Variants in CYRIB observed in about 807,000 individuals in gnomAD.
CYRIB encodes CYFIP related Rac1 interactor B.
In CYRIB, 8 loss-of-function variants were observed where a neutral mutation model predicts 44.2. The ratio of observed to expected loss-of-function variants is 0.18; its 90% CI spans 0.11 to 0.33. The LOEUF (loss-of-function observed/expected upper bound fraction) is 0.33. CYRIB is among the 10% of genes least tolerant of loss of function. The pLI is 1.00. For missense variants in CYRIB, 185 were observed against 382.8 expected, an observed-to-expected ratio of 0.48 and a Z score of 4.31; for synonymous variants, 131 against 127.2, an observed-to-expected ratio of 1.03 and a Z score of -0.20.
upstream of CYRIB, chr8:130,016,667 C>T (rs1395245698): frequency 6.7e-6 from 1 of 149,010 alleles, no homozygotes; most frequent in African/African-American, 2.4e-5. Context: ...CGCGACGCGC[C>T]TCCCCCCGCG....
At chr8:130,008,653 T>C (rs1485061089) in intron 1 of CYRIB, among the ~76,000 whole-genome samples, 1 of 152,216 alleles carries the variant, frequency 6.6e-6, no homozygotes, top group Non-Finnish European at 1.5e-5. Flanking sequence ...TTGAGAGTTA[T>C]GAAGGCATGT....
intron 4 of CYRIB, among the ~76,000 whole-genome samples, chr8:129,864,317 G>C (rs1440759042): frequency 2.0e-5 from 3 of 152,208 alleles, no homozygotes; most frequent in Non-Finnish European, 2.9e-5. Context: ...ATCTCAAAGA[G>C]ACCTTGATAT....
intron 2 of CYRIB, among the ~76,000 whole-genome samples, chr8:129,901,054 T>A (rs951516945): frequency 2.0e-5 from 3 of 152,178 alleles, no homozygotes; most frequent in African/African-American, 7.2e-5. Context: ...TATTTTCTAC[T>A]CTCTTTCTCC....
At position 129,956,677 on chromosome 8, in the gene CYRIB, A is replaced by G. The variant is rs368725315; in HGVS notation, c.-243+14266T>C. On this transcript the variant is annotated intron_variant, in intron 2 of 14. Transcript: ENST00000401979. Reference sequence around the variant, plus strand: ...TGAATCTCATCCCTAATGAAAACCAATTGATCACCCCTGCAGGGTCACAAT... The same window carrying G: ...TGAATCTCATCCCTAATGAAAACCAGTTGATCACCCCTGCAGGGTCACAAT... Among the ~76,000 whole-genome samples the G allele has an allele frequency of 5.3e-5, 8 of 152,286 alleles. No individual in the cohort carries two copies. In the East Asian group the frequency reaches 1.5e-3, roughly 29 times the overall value.
rs553741707 is a variant in CYRIB, at chr8:129,982,748, G to C, written c.-295-11753C>G. On this transcript the variant is annotated intron_variant, in intron 1 of 14. Coordinates refer to the CYRIB transcript ENST00000401979. ...AAAAATCTGATTCTGAACCAAAAAA[G>C]CAAACGCATGAGCATCATTTCCAGC... 2.4e-3 allele frequency among the ~76,000 whole-genome samples: 368 copies of C among 152,250 alleles called. 2 individuals carry two copies. The highest frequency in any genetic ancestry group is 8.1e-3 in the African/African-American group (335 of 41,544).
At chr8:129,905,830 G>A (rs563088145) in intron 1 of CYRIB, among the ~76,000 whole-genome samples, 2 of 152,204 alleles carry the variant, frequency 1.3e-5, no homozygotes, top group East Asian at 1.9e-4. Flanking sequence ...TTCACCCTTA[G>A]AAATCAAATA....
intron 1 of CYRIB, among the ~76,000 whole-genome samples, chr8:129,927,276 T>C (rs298606): frequency 0.45 from 67,879 of 151,898 alleles, 15,627 homozygotes; most frequent in East Asian, 0.55. Flanking sequence ...TGGGCGACAG[T>C]GAGACTCTGT....
At chr8:129,907,138 GAC>G (rs1437319787) in intron 1 of CYRIB, among the ~76,000 whole-genome samples, 1 of 152,192 alleles carries the variant, frequency 6.6e-6, no homozygotes, top group African/African-American at 2.4e-5. Flanking sequence ...CTGCTATAAA[GAC>G]ACATGCACAC....
intron 2 of CYRIB, among the ~76,000 whole-genome samples, chr8:129,961,473 G>A (rs568511873): frequency 6.6e-6 from 1 of 152,206 alleles, no homozygotes; most frequent in East Asian, 1.9e-4. Context: ...GGGCCATCCA[G>A]CTTCTTGGTT....
chr8:129,877,663 GGTGTGT>G (rs5895011), intron 3 of CYRIB, among the ~76,000 whole-genome samples: 1,571 of 130,634 alleles, frequency 0.012, 14 homozygotes, highest in Admixed American at 0.015. Flanking sequence ...AAAAAAAAAA[GGTGTGT>G]GTGTGTGTGT....
intron 4 of CYRIB, among the ~76,000 whole-genome samples, chr8:129,870,533 C>T (rs1051545477): frequency 1.3e-5 from 2 of 152,224 alleles, no homozygotes; most frequent in African/African-American, 2.4e-5. Context: ...TCTGCCTTCA[C>T]TAGTACTCCA....
chr8:129,912,167 G>T (rs1330572763), intron 1 of CYRIB, among the ~76,000 whole-genome samples: 1 of 151,968 alleles, frequency 6.6e-6, no homozygotes, highest in East Asian at 1.9e-4. Context: ...ACAAACAGAG[G>T]TAATAACATA....
At chr8:129,999,949 G>A (rs1429402739) in intron 1 of CYRIB, among the ~76,000 whole-genome samples, 1 of 152,084 alleles carries the variant, frequency 6.6e-6, no homozygotes, top group Non-Finnish European at 1.5e-5. Context: ...TTTTGATGAG[G>A]ATTAAACGAG....
At chr8:129,987,648 C>A (rs2096512069) in intron 1 of CYRIB, among the ~76,000 whole-genome samples, 1 of 150,458 alleles carries the variant, frequency 6.6e-6, no homozygotes, top group Non-Finnish European at 1.5e-5. Flanking sequence ...TGGCTCACTG[C>A]AACCTCCACC....
At chr8:129,989,183 C>A (rs1023808829) in intron 1 of CYRIB, among the ~76,000 whole-genome samples, 2 of 152,142 alleles carry the variant, frequency 1.3e-5, no homozygotes, top group Non-Finnish European at 2.9e-5. Context: ...CGGCTCTTTG[C>A]ACCACCTCTC....
At chr8:129,971,203 G>A (rs545626339) in intron 1 of CYRIB, among the ~76,000 whole-genome samples, 4 of 152,110 alleles carry the variant, frequency 2.6e-5, no homozygotes, top group East Asian at 3.9e-4. Flanking sequence ...GCAGTGGCAC[G>A]ATCTCGGCTC....
rs146393411 is a variant in CYRIB at position 129,897,547 on chromosome 8, T to C, written c.-11+5765A>G. ...AAATAAAGTTACCCATCAGATTATG[T>C]ATGTTCACATTTGCAAAGGTACAAA... On this transcript the variant is annotated intron_variant, in intron 2 of 11. Transcript: ENST00000519824. Among the ~76,000 whole-genome samples, 369 of 150,914 alleles carry C rather than the reference T, an allele frequency of 2.4e-3. 9 individuals are homozygous for C. The highest frequency in any genetic ancestry group is 0.02 in the Admixed American group (306 of 14,992).
chr8:129,959,883 G>C (rs927646344), intron 2 of CYRIB, among the ~76,000 whole-genome samples: 1 of 152,160 alleles, frequency 6.6e-6, no homozygotes, highest in Non-Finnish European at 1.5e-5. Context: ...AGTTTGTTCA[G>C]TGGCTCTAGG....
chr8:129,877,663 G>GTGTGTGTGTGTGTGT (rs3222125), intron 3 of CYRIB, among the ~76,000 whole-genome samples: 183 of 130,650 alleles, frequency 1.4e-3, no homozygotes, highest in African/African-American at 5.7e-3. Flanking sequence ...AAAAAAAAAA[G>GTGTGTGTGTGTGTGT]GTGTGTGTGT....
Sources: gnomAD v4.1 joint callset for allele counts (sites outside exome capture counted in the v4.1 genomes callset) on GRCh38, gnomAD v4.1.1 for gene constraint, MANE v1.5 for transcripts, NCBI Gene and HGNC (gene_info 2026-07-23, HGNC 2026-07-21) for gene names.